The following GPHN variants were observed in gnomAD, a reference collection of about 807,000 sequenced individuals.
GPHN encodes the protein gephyrin.
A neutral mutation model predicts 95.5 loss-of-function variants in GPHN; 17 were observed. The observed-to-expected ratio is 0.18, with a 90% CI of 0.12 to 0.27. The LOEUF (loss-of-function observed/expected upper bound fraction) is 0.27. Among genes scored for constraint, GPHN ranks in the 10% least tolerant of loss-of-function variants. The pLI is 1.00. For missense variants in GPHN, 660 were observed against 978.1 expected, an observed-to-expected ratio of 0.67 and a Z score of 4.34; for synonymous variants, 320 against 322.5, an observed-to-expected ratio of 0.99 and a Z score of 0.08.
At chr14:67,223,671 T>A in the GPHN span, 24 of 923,020 alleles carry the variant, frequency 2.6e-5, no homozygotes, top group Non-Finnish European at 3.1e-5. Flanking sequence ...TATTAATTAT[T>A]TTCCCTGTTT....
the GPHN span, among the ~76,000 whole-genome samples, chr14:67,405,605 C>A: frequency 6.6e-6 from 1 of 152,176 alleles, no homozygotes; most frequent in African/African-American, 2.4e-5. Context: ...GTCTGTATGG[C>A]AATATGGCAG....
intron 17 of GPHN, among the ~76,000 whole-genome samples, chr14:67,140,681 G>A (rs1307022044): frequency 6.6e-6 from 1 of 152,090 alleles, no homozygotes; most frequent in African/African-American, 2.4e-5. Flanking sequence ...GCTGTGTTTG[G>A]GATGTTTTTT....
the GPHN span, among the ~76,000 whole-genome samples, chr14:67,219,894 G>T: frequency 8.2e-4 from 124 of 152,110 alleles, no homozygotes; most frequent in Non-Finnish European, 1.4e-3. Context: ...ATAAAGCATG[G>T]ATTTCTTTTT....
At chr14:67,204,438 T>A in the GPHN span, 1 of 1,393,074 alleles carries the variant, frequency 7.2e-7, no homozygotes, top group Non-Finnish European at 9.4e-7. Flanking sequence ...TGAGAACTTG[T>A]CTCAAAACAA....
intron 1 of GPHN, among the ~76,000 whole-genome samples, chr14:66,592,222 C>A (rs879061454): frequency 6.6e-6 from 1 of 152,102 alleles, no homozygotes; most frequent in Non-Finnish European, 1.5e-5. Context: ...CTAGGCAATA[C>A]CATTCAGGAC....
rs182623905 is a variant in GPHN at position 67,106,978 on chromosome 14, C to T, written c.1294-3162C>T. On this transcript the variant is annotated intron_variant, in intron 13 of 22. Transcript: ENST00000478722. ...TTTCTGGGTGGTTTTGTAGAGACGC[C>T]TGTAGTTGGGCTTTAGTGTGTTGGT... is the stretch of plus-strand genomic sequence containing the variant. Among the ~76,000 whole-genome samples, 36 of 152,072 alleles carry T rather than the reference C, an allele frequency of 2.4e-4. No homozygotes were observed. The East Asian group carries it at 6.9e-3, about 29-fold the overall frequency.
intron 17 of GPHN, among the ~76,000 whole-genome samples, chr14:67,126,272 A>T (rs943494002): frequency 6.6e-6 from 1 of 152,198 alleles, no homozygotes; most frequent in African/African-American, 2.4e-5. Flanking sequence ...TTATACTACT[A>T]GTTAGTGGCA....
chr14:67,124,992 A>G (rs1436313219), intron 17 of GPHN, among the ~76,000 whole-genome samples: 3 of 152,216 alleles, frequency 2.0e-5, no homozygotes, highest in African/African-American at 7.2e-5. Context: ...ATTTAACTCC[A>G]AAATATACTT....
At chr14:67,300,270 C>T in the GPHN span, among the ~76,000 whole-genome samples, 1 of 151,232 alleles carries the variant, frequency 6.6e-6, no homozygotes, top group Non-Finnish European at 1.5e-5. Flanking sequence ...AGGAAAATTA[C>T]TGATAAAATG....
At chr14:66,764,856 A>G (rs773071760) in intron 2 of GPHN, among the ~76,000 whole-genome samples, 25 of 152,118 alleles carry the variant, frequency 1.6e-4, no homozygotes, top group Admixed American at 5.9e-4. Context: ...GAATTACTTG[A>G]CTTTTTAAAA....
At chr14:67,585,328 G>A in the GPHN span, 3 of 488,084 alleles carry the variant, frequency 6.1e-6, no homozygotes, top group South Asian at 4.5e-5. Flanking sequence ...AAGAATGATC[G>A]CCTCTGCCTT....
chr14:66,814,594 T>C (rs2060891941), intron 3 of GPHN, among the ~76,000 whole-genome samples: 1 of 152,164 alleles, frequency 6.6e-6, no homozygotes, highest in Non-Finnish European at 1.5e-5. Context: ...TCCAGTCAGC[T>C]GAATGCATCT....
chr14:67,620,063 T>C, the GPHN span: 2 of 1,610,398 alleles, frequency 1.2e-6, no homozygotes, highest in Non-Finnish European at 1.7e-6. Flanking sequence ...GTGGCTGTGA[T>C]AGGAGCCCCG....
At chr14:67,319,971 C>A in the GPHN span, among the ~76,000 whole-genome samples, 1 of 152,236 alleles carries the variant, frequency 6.6e-6, no homozygotes, top group African/African-American at 2.4e-5. Context: ...TGCAAATTAG[C>A]TGTTTAATGT....
chr14:66,803,654 C>T (rs1042656457), intron 3 of GPHN, among the ~76,000 whole-genome samples: 2 of 151,860 alleles, frequency 1.3e-5, no homozygotes, highest in East Asian at 3.9e-4. Context: ...TGAGTGTGTC[C>T]CACATGTTTT....
intron 1 of GPHN, among the ~76,000 whole-genome samples, chr14:66,585,409 T>C (rs1359846615): frequency 6.6e-6 from 1 of 151,972 alleles, no homozygotes; most frequent in Admixed American, 6.6e-5. Context: ...TCTGATCTTA[T>C]TTATTTCTTG....
At chr14:67,420,991 C>T in the GPHN span, among the ~76,000 whole-genome samples, 1 of 152,192 alleles carries the variant, frequency 6.6e-6, no homozygotes, top group African/African-American at 2.4e-5. Flanking sequence ...GATGAGGATG[C>T]AGTTGGTCAG....
intron 9 of GPHN, among the ~76,000 whole-genome samples, chr14:66,972,877 A>T (rs1391692415): frequency 6.6e-6 from 1 of 152,150 alleles, no homozygotes; most frequent in Admixed American, 6.5e-5. Context: ...TACTACTTGG[A>T]TCTACTGCCT....
chr14:66,518,774 T>C (rs1485622439), intron 1 of GPHN, among the ~76,000 whole-genome samples: 2 of 151,970 alleles, frequency 1.3e-5, no homozygotes, highest in Non-Finnish European at 2.9e-5. Context: ...ATGTGGAAAC[T>C]AAAAAAAGTT....
Sources: gnomAD v4.1 joint callset for allele counts (sites outside exome capture counted in the v4.1 genomes callset) on GRCh38, gnomAD v4.1.1 for gene constraint, MANE v1.5 for transcripts, NCBI Gene and HGNC (gene_info 2026-07-23, HGNC 2026-07-21) for gene names.